Variants in WAPL observed in about 807,000 individuals in gnomAD.
WAPL encodes the protein wings apart-like protein homolog.
Under a neutral mutation model 121.0 loss-of-function variants are expected in WAPL, and 5 were observed. The ratio of observed to expected loss-of-function variants is 0.04; its 90% confidence interval spans 0.02 to 0.09. The LOEUF (loss-of-function observed/expected upper bound fraction) is 0.09. Ranked by LOEUF, WAPL falls within the 10% of genes least tolerant of loss-of-function variation. WAPL has a pLI of 1.00. For missense variants in WAPL, 999 were observed against 1,410.8 expected (o/e 0.71, Z 4.68); for synonymous variants, 480 against 481.5 (o/e 1.00, Z 0.04).
intron 2 of WAPL, among the ~76,000 whole-genome samples, chr10:86,503,152 T>G (rs1264782051): frequency 6.6e-6 from 1 of 151,804 alleles, no homozygotes; most frequent in African/African-American, 2.4e-5. Flanking sequence ...AGCGAGACTC[T>G]GTTTAAAAGA....
intron 2 of WAPL, among the ~76,000 whole-genome samples, chr10:86,513,988 G>GA (rs767806425): frequency 6.6e-6 from 1 of 152,302 alleles, no homozygotes; most frequent in Admixed American, 6.5e-5. Context: ...TGCATCTGGA[G>GA]AAAAGAGTTC....
At chr10:86,468,808 C>A (rs960211267) in intron 8 of WAPL, among the ~76,000 whole-genome samples, 17 of 151,430 alleles carry the variant, frequency 1.1e-4, no homozygotes, top group Admixed American at 1.1e-3. Flanking sequence ...ATTAAAAATA[C>A]AAAAAAATTA....
intron 4 of WAPL, among the ~76,000 whole-genome samples, chr10:86,482,524 G>A (rs1208561428): frequency 6.6e-6 from 1 of 152,178 alleles, no homozygotes; most frequent in Non-Finnish European, 1.5e-5. Flanking sequence ...CTCCACTAAA[G>A]AGAATCATTA....
intron 2 of WAPL, among the ~76,000 whole-genome samples, chr10:86,505,162 T>C (rs1236267769): frequency 1.4e-5 from 2 of 143,908 alleles, no homozygotes; most frequent in African/African-American, 5.2e-5. Context: ...TGTAGAGTTT[T>C]TTTTTCTGTA....
In WAPL at chr10:86,473,671, A is replaced by T. The variant is rs182718167; in HGVS notation, c.1740+207T>A. On this transcript the variant is annotated intron_variant, in intron 5 of 18. Transcript: ENST00000298767. Reference sequence around the variant, plus strand: ...TATTTTTTATGGCTTTCATTGTTTAACCTAGCAGCACTAGAATTTCTGCTA... The same window carrying T: ...TATTTTTTATGGCTTTCATTGTTTATCCTAGCAGCACTAGAATTTCTGCTA... 2.6e-5 allele frequency among the ~76,000 whole-genome samples: 4 copies of T among 152,298 alleles called. No individual in the cohort carries two copies. In the East Asian group the frequency reaches 7.7e-4, roughly 29 times the overall value.
At chr10:86,462,486 G>A (rs368347846) in intron 9 of WAPL, among the ~76,000 whole-genome samples, 1 of 152,004 alleles carries the variant, frequency 6.6e-6, no homozygotes, top group Non-Finnish European at 1.5e-5. Flanking sequence ...TTGGGAGGCC[G>A]AGGCGGGCTG....
chr10:86,441,520 A>AATAAAC (rs1323506284), intron 17 of WAPL, among the ~76,000 whole-genome samples: 3 of 152,118 alleles, frequency 2.0e-5, no homozygotes, highest in African/African-American at 7.2e-5. Flanking sequence ...CCACAGGGGA[A>AATAAAC]ATAAACAAAC....
chr10:86,498,125 A>G (rs1471538455), intron 3 of WAPL, among the ~76,000 whole-genome samples: 1 of 152,230 alleles, frequency 6.6e-6, no homozygotes, highest in Non-Finnish European at 1.5e-5. Flanking sequence ...TTCACATTTT[A>G]CATCTTTAAA....
intron 12 of WAPL, among the ~76,000 whole-genome samples, chr10:86,455,107 T>TGG (rs1381613243): frequency 1.9e-5 from 2 of 103,648 alleles, no homozygotes; most frequent in African/African-American, 7.7e-5. Context: ...GTCCAGGAGG[T>TGG]GGGGGGGTGC....
intron 15 of WAPL, 67 bp from the exon 16 acceptor site, chr10:86,446,516 T>C: frequency 3.4e-6 from 5 of 1,469,100 alleles, no homozygotes; most frequent in Non-Finnish European, 4.6e-6. Context: ...TATGCAAATA[T>C]AAAGTTATAG....
At chr10:86,469,792 T>C (rs1054196879) in intron 8 of WAPL, among the ~76,000 whole-genome samples, 2 of 152,150 alleles carry the variant, frequency 1.3e-5, no homozygotes, top group Non-Finnish European at 1.5e-5. Flanking sequence ...TTTTGGAAAT[T>C]AGGATGCATT....
intron 4 of WAPL, among the ~76,000 whole-genome samples, chr10:86,484,325 A>G (rs1030550336): frequency 2.6e-5 from 4 of 152,010 alleles, no homozygotes; most frequent in Admixed American, 2.0e-4. Context: ...GTGAAACCCC[A>G]CCTCTACAAA....
chr10:86,457,344 A>G (rs945384338), intron 12 of WAPL, among the ~76,000 whole-genome samples: 4 of 150,972 alleles, frequency 2.6e-5, no homozygotes, highest in Admixed American at 6.6e-5. Context: ...AAAAAAAAAA[A>G]AGAGAGTGCT....
intron 4 of WAPL, among the ~76,000 whole-genome samples, chr10:86,480,831 T>C (rs1172430336): frequency 4.6e-5 from 7 of 152,206 alleles, no homozygotes; most frequent in Non-Finnish European, 7.3e-5. Flanking sequence ...GGATGGTTCA[T>C]TGCCTTCCCT....
chr10:86,482,869 T>C (rs764246910), intron 4 of WAPL, among the ~76,000 whole-genome samples: 1 of 152,174 alleles, frequency 6.6e-6, no homozygotes, highest in Non-Finnish European at 1.5e-5. Context: ...AAACTTCCCA[T>C]TATAAAATGA....
intron 2 of WAPL, among the ~76,000 whole-genome samples, chr10:86,511,205 A>G (rs115422035): frequency 0.01 from 1,591 of 152,286 alleles, 32 homozygotes; most frequent in African/African-American, 0.036. Context: ...AGGCTGAGGC[A>G]GGAGGCTGAG....
At chr10:86,518,175 T>C (rs1055567602) in intron 1 of WAPL, 84 bp from the exon 2 acceptor site, 108 of 1,335,340 alleles carry the variant, frequency 8.1e-5, no homozygotes, top group Non-Finnish European at 5.7e-5. Flanking sequence ...CTAGGGATTC[T>C]TCCCTCATGA....
At chr10:86,480,773 T>C (rs750952349) in intron 4 of WAPL, among the ~76,000 whole-genome samples, 20 of 152,246 alleles carry the variant, frequency 1.3e-4, no homozygotes, top group Non-Finnish European at 2.6e-4. Context: ...CTCTTGCCAA[T>C]GAAGTGTGAA....
intron 12 of WAPL, among the ~76,000 whole-genome samples, chr10:86,458,184 C>T (rs983472015): frequency 6.6e-6 from 1 of 152,010 alleles, no homozygotes; most frequent in East Asian, 1.9e-4. Context: ...TTCAAAGCAG[C>T]GATTTGGAGA....
Sources: allele counts gnomAD v4.1 joint callset (sites outside exome capture counted in the v4.1 genomes callset), GRCh38; gene constraint gnomAD v4.1.1; transcripts MANE v1.5; gene names NCBI Gene and HGNC (gene_info 2026-07-23, HGNC 2026-07-21).